Variants in DLL4 observed in about 807,000 individuals in gnomAD.
DLL4 encodes the protein delta like canonical Notch ligand 4.
A neutral mutation model predicts 73.6 loss-of-function variants in DLL4; 7 were observed. The observed-to-expected ratio is 0.10, with a 90% CI of 0.05 to 0.18. The LOEUF is 0.18. Among genes scored for constraint, DLL4 ranks in the 10% least tolerant of loss-of-function variants. The pLI is 1.00. For missense variants in DLL4, 614 were observed against 929.9 expected, an observed-to-expected ratio of 0.66 and a Z score of 4.42; for synonymous variants, 345 against 374.3, an observed-to-expected ratio of 0.92 and a Z score of 0.90.
chr15:40,930,494 C>G lies in DLL4; in HGVS notation c.337-131C>G, dbSNP rs1892751008. 6.3e-6 allele frequency: 5 copies of G among 787,456 alleles called. No homozygotes were observed. The highest frequency in any genetic ancestry group is 2.2e-6 in the Non-Finnish European group (1 of 462,010). 48.8% of individuals were successfully genotyped at this position (787,456 alleles called of 1,614,324 possible). A position where few individuals can be genotyped will look rare whatever the true frequency, so the allele number is the denominator to read the frequency against. On this transcript the variant is annotated intron_variant, in intron 2 of 10. Transcript: ENST00000249749. This position sits in a 1 kb window ranked among gnomAD's most constrained non-coding sequence, Gnocchi z 5.7. ...CTCAAGCGCTACACTGTGCACAGCC[C>G]CGTTATGTTGACCCGGGCGCAGTAA...
chr15:40,935,487 G>T (rs934779200), intron 8 of DLL4, among the ~76,000 whole-genome samples: 1 of 152,226 alleles, frequency 6.6e-6, no homozygotes, highest in African/African-American at 2.4e-5. Context: ...CCTGCTCCTG[G>T]AGGCCTCATC....
At position 40,930,610 on chromosome 15, in the gene DLL4, C is replaced by A. The variant is rs1427353850; in HGVS notation, c.337-15C>A. 3 of 1,613,410 alleles carry A rather than the reference C, an allele frequency of 1.9e-6. No individual in the cohort carries two copies. Among genetic ancestry groups the A allele is most frequent in the South Asian group, 1.1e-5 (1 of 90,970 alleles). On this transcript the variant is annotated splice_polypyrimidine_tract_variant and intron_variant, in intron 2 of 10. Coordinates refer to ENST00000249749, the MANE Select transcript of DLL4 (RefSeq NM_019074.4). The surrounding 1 kb of genome is among the most constrained non-coding windows in gnomAD (Gnocchi z 5.7). ...TCATCTCGCCATCTCTCCGTCCCCC[C>A]ACCCCCTTTCCCAGGGTACCTTCTC...
In DLL4 at chr15:40,930,708, G is replaced by C. The variant is rs760859323; in HGVS notation, c.394+26G>C. On this transcript the variant is annotated intron_variant, in intron 3 of 10. Transcript: ENST00000249749. The surrounding 1 kb of genome is among the most constrained non-coding windows in gnomAD (Gnocchi z 5.7). Reference sequence around the variant, plus strand: ...GTGAGTAGCTCGCTCCGCCACCACAGGGGGGCGACACGGCGCAGCGCCGAA... The same window carrying C: ...GTGAGTAGCTCGCTCCGCCACCACACGGGGGCGACACGGCGCAGCGCCGAA... The C allele has an allele frequency of 6.2e-7, 1 of 1,609,772 alleles. No homozygotes were observed. Among genetic ancestry groups the C allele is most frequent in the Admixed American group, 1.7e-5 (1 of 59,954 alleles).
In DLL4 at chr15:40,930,233, G is replaced by A; in HGVS notation, c.336+117G>A. On this transcript the variant is annotated intron_variant, in intron 2 of 10. Transcript: ENST00000249749. The surrounding 1 kb of genome is among the most constrained non-coding windows in gnomAD (Gnocchi z 5.7). ...CACACCCCCACCCCCAAAAAGCCCA[G>A]GATGCATTCTTTCCTGGCTCTTCCC... 7.8e-7 allele frequency: 1 copy of A among 1,282,570 alleles called. No individual in the cohort carries two copies. Among genetic ancestry groups the A allele is most frequent in the Non-Finnish European group, 1.1e-6 (1 of 939,494 alleles). 79.4% of individuals were successfully genotyped at this position (1,282,570 alleles called of 1,614,324 possible). A position where few individuals can be genotyped will look rare whatever the true frequency, so the allele number is the denominator to read the frequency against.
At chr15:40,937,823 C>G (rs1022714312) in intron 10 of DLL4, among the ~76,000 whole-genome samples, 4 of 152,190 alleles carry the variant, frequency 2.6e-5, no homozygotes, top group Non-Finnish European at 2.9e-5. Context: ...CCCTTCCTGC[C>G]CCTTCCCACT....
chr15:40,933,346 C>A (rs1245307179), intron 6 of DLL4, among the ~76,000 whole-genome samples: 1 of 151,764 alleles, frequency 6.6e-6, no homozygotes, highest in Non-Finnish European at 1.5e-5. Context: ...ACACCTGGTT[C>A]CTGCTCATTC....
At chr15:40,931,003 T>G (rs1892762143) in intron 3 of DLL4, 1 of 492,208 alleles carries the variant, frequency 2.0e-6, no homozygotes, top group Non-Finnish European at 3.6e-6. Flanking sequence ...AAGGGAATAA[T>G]GGCTTTGGGA....
intron 9 of DLL4, 54 bp from the exon 10 acceptor site, chr15:40,937,364 C>G: frequency 2.4e-6 from 3 of 1,272,934 alleles, no homozygotes; most frequent in Non-Finnish European, 3.4e-6. Flanking sequence ...GGTCCTCCCT[C>G]CCCCCAAGCC....
Position 40,929,552 on chromosome 15 carries a change from T to TCCCG in DLL4, c.-116_-113dup, listed in dbSNP as rs1892731851. ...GCGAGAAGGCCAAAGGGGAGCAGCGTCCCGAGAGGAGCGCCTCTTTTCAGG... is the reference window on the plus strand; with the variant it reads ...GCGAGAAGGCCAAAGGGGAGCAGCGTCCCGCCCGAGAGGAGCGCCTCTTTTCAGG... On this transcript the variant is annotated 5_prime_UTR_variant, in exon 1 of 11. Transcript: ENST00000249749. This position sits in a 1 kb window ranked among gnomAD's most constrained non-coding sequence, Gnocchi z 7.1. 9.4e-6 allele frequency: 9 copies of TCCCG among 957,268 alleles called. No homozygotes were observed. The highest frequency in any genetic ancestry group is 3.4e-4 in the Middle Eastern group (1 of 2,952). 59.3% of individuals were successfully genotyped at this position (957,268 alleles called of 1,614,324 possible). A position where few individuals can be genotyped will look rare whatever the true frequency, so the allele number is the denominator to read the frequency against.
Position 40,929,608 on chromosome 15 carries a change from G to A in DLL4, c.-61G>A, listed in dbSNP as rs1892733902. On this transcript the variant is annotated 5_prime_UTR_variant, in exon 1 of 11. Transcript: ENST00000249749. The surrounding 1 kb of genome is among the most constrained non-coding windows in gnomAD (Gnocchi z 7.1). ...CGCCGGCTGGCGGACGCGCGGGAAA[G>A]CGGCGTCGCGAACAGAGCCAGATTG... The A allele has an allele frequency of 3.2e-5, 45 of 1,413,150 alleles. No homozygotes were observed. The highest frequency in any genetic ancestry group is 4.2e-5 in the Non-Finnish European group (45 of 1,076,236). The allele number at this position is 1,413,150 out of a possible 1,614,324, so 87.5% of individuals were successfully genotyped here.
chr15:40,936,086 C>T, intron 8 of DLL4, 142 bp from the exon 9 acceptor site: 2 of 685,100 alleles, frequency 2.9e-6, no homozygotes, highest in South Asian at 4.0e-5. Context: ...TCCAGGTCTC[C>T]TGACTCTGTG....
Position 40,934,877 on chromosome 15 carries a change from C to T in DLL4, c.1021-21C>T, listed in dbSNP as rs748061784. On this transcript the variant is annotated intron_variant, in intron 7 of 10. Coordinates refer to ENST00000249749, the MANE Select transcript of DLL4 (RefSeq NM_019074.4). The stretch of plus-strand genomic sequence containing the variant: ...CTGCCCCCCAGGGTCTGACTTTGGC[C>T]CCTTTATGGTCTCTCTCCAGGACCA... The T allele has an allele frequency of 3.1e-6, 5 of 1,609,756 alleles. No homozygotes were observed. In the South Asian group the frequency reaches 4.4e-5, roughly 14 times the overall value.
At position 40,934,735 on chromosome 15, in the gene DLL4, G is replaced by T. The variant is rs745995306; in HGVS notation, c.1020+18G>T. 1.9e-6 allele frequency: 3 copies of T among 1,610,126 alleles called. No individual in the cohort carries two copies. Among genetic ancestry groups the T allele is most frequent in the South Asian group, 2.2e-5 (2 of 90,838 alleles). ...GCTGTAAGGTGAGGCCCAGACCAGC[G>T]CAGGAAGACAGAGGTGTCAGGTGGT... On this transcript the variant is annotated intron_variant, in intron 7 of 10. Coordinates refer to ENST00000249749, the MANE Select transcript of DLL4 (RefSeq NM_019074.4).
In DLL4 at chr15:40,937,356, TCCTCCCTCCC is replaced by T. The variant is rs1210527887; in HGVS notation, c.1944-59_1944-50del. On this transcript the variant is annotated intron_variant, in intron 9 of 10. Coordinates refer to ENST00000249749, the MANE Select transcript of DLL4 (RefSeq NM_019074.4). The stretch of plus-strand genomic sequence containing the variant: ...GCAGATGCCCTTTGGCTCTCCAGGG[TCCTCCCTCCC>T]CCCAAGCCTCTCCCCGTCCCTCCCT... 4 of 1,180,666 alleles carry T rather than the reference TCCTCCCTCCC, an allele frequency of 3.4e-6. No individual in the cohort carries two copies. In the Admixed American group the frequency reaches 6.8e-5, roughly 20 times the overall value. 73.1% of individuals were successfully genotyped at this position (1,180,666 alleles called of 1,614,324 possible).
chr15:40,936,105 T>C (rs1489739501), intron 8 of DLL4, 123 bp from the exon 9 acceptor site: 1 of 789,610 alleles, frequency 1.3e-6, no homozygotes, highest in Admixed American at 2.9e-5. Context: ...TGCAGTTCTC[T>C]TTGTAGTGGG....
intron 10 of DLL4, 35 bp from the exon 11 acceptor site, chr15:40,937,994 G>C: frequency 6.2e-7 from 1 of 1,602,174 alleles, no homozygotes; most frequent in Non-Finnish European, 8.5e-7. Flanking sequence ...GCATGCCCAG[G>C]GTAACCTGTT....
rs531420816 is a variant in DLL4, at chr15:40,934,847, C to T, written c.1021-51C>T. The T allele has an allele frequency of 2.0e-5, 32 of 1,593,700 alleles. No homozygotes were observed. In the South Asian group the frequency reaches 3.1e-4, roughly 16 times the overall value. Reference sequence around the variant, plus strand: ...AGGTGGAGCCCAGCCTTCAGTCACACATCCCTGCCCCCCAGGGTCTGACTT... The same window carrying T: ...AGGTGGAGCCCAGCCTTCAGTCACATATCCCTGCCCCCCAGGGTCTGACTT... On this transcript the variant is annotated intron_variant, in intron 7 of 10. Transcript: ENST00000249749.
At chr15:40,935,929 A>G (rs1892837384) in intron 8 of DLL4, among the ~76,000 whole-genome samples, 1 of 152,256 alleles carries the variant, frequency 6.6e-6, no homozygotes, top group African/African-American at 2.4e-5. Context: ...ACGGTTAAGC[A>G]GCAAGTGCCA....
Position 40,934,898 on chromosome 15 carries a change from G to A in DLL4, c.1021G>A (p.Asp341Asn). Residue 341 changes from aspartate to asparagine, a missense_variant and splice_region_variant, in exon 8 of 11, where the codon GAC (aspartate) becomes AAC (asparagine). This residue lies in a region of DLL4 where 386 missense variants were observed against 541.3 expected (regional missense o/e 0.71). Transcript: ENST00000249749. ...NPCRNGGSCK[D>N]QEDGYHCLCP... is the part of the protein sequence containing the mutation. Reference sequence around the variant, plus strand: ...TGGCCCCTTTATGGTCTCTCTCCAGGACCAGGAGGATGGCTACCACTGCCT... The same window carrying A: ...TGGCCCCTTTATGGTCTCTCTCCAGAACCAGGAGGATGGCTACCACTGCCT... The A allele has an allele frequency of 6.2e-7, 1 of 1,613,432 alleles. No homozygotes were observed. The highest frequency in any genetic ancestry group is 8.5e-7 in the Non-Finnish European group (1 of 1,179,794).
Sources: allele counts gnomAD v4.1 joint callset (sites outside exome capture counted in the v4.1 genomes callset), GRCh38; gene constraint gnomAD v4.1.1; regional missense constraint gnomAD v4.1.1; non-coding constraint Gnocchi (gnomAD v3.1); transcripts MANE v1.5; gene names NCBI Gene and HGNC (gene_info 2026-07-23, HGNC 2026-07-21).